Variants in MTMR7 observed in about 807,000 individuals in gnomAD.
MTMR7 encodes myotubularin related protein 7.
A neutral mutation model predicts 81.2 loss-of-function variants in MTMR7; 76 were observed. That is an observed-to-expected ratio of 0.94 (90% confidence interval 0.78 to 1.13). The LOEUF (loss-of-function observed/expected upper bound fraction) is 1.13, where lower values mean the gene tolerates loss of function less well. Among genes scored for constraint, MTMR7 ranks in the 50% most tolerant of loss-of-function variants. The pLI, the probability that MTMR7 is intolerant of heterozygous loss-of-function variation, is 0.00. For missense variants in MTMR7, 1,044 were observed against 820.0 expected, an observed-to-expected ratio of 1.27 and a Z score of -3.34; for synonymous variants, 372 against 289.8, an observed-to-expected ratio of 1.28 and a Z score of -2.88.
At chr8:17,374,406 A>C (rs2150567473) in intron 1 of MTMR7, among the ~76,000 whole-genome samples, 1 of 151,680 alleles carries the variant, frequency 6.6e-6, no homozygotes, top group African/African-American at 2.4e-5. Flanking sequence ...GTGGATCACG[A>C]GGTAAAGAGA....
At chr8:17,348,169 T>C (rs948005456) in intron 5 of MTMR7, among the ~76,000 whole-genome samples, 2 of 152,104 alleles carry the variant, frequency 1.3e-5, no homozygotes, top group African/African-American at 4.8e-5. Context: ...AATAATATTT[T>C]AAAAATAAAA....
chr8:17,333,525 T>C (rs1819120221), intron 6 of MTMR7, among the ~76,000 whole-genome samples: 1 of 152,138 alleles, frequency 6.6e-6, no homozygotes, highest in Non-Finnish European at 1.5e-5. Flanking sequence ...ATTCACCACA[T>C]ACCACAGAGA....
At chr8:17,352,279 A>G (rs886250790) in intron 4 of MTMR7, among the ~76,000 whole-genome samples, 22 of 152,250 alleles carry the variant, frequency 1.4e-4, no homozygotes, top group Non-Finnish European at 4.4e-5. Flanking sequence ...AGAACCCAGA[A>G]GTAAACCCTC....
chr8:17,358,509 A>T (rs1819964610), intron 4 of MTMR7, among the ~76,000 whole-genome samples: 4 of 152,210 alleles, frequency 2.6e-5, no homozygotes. Flanking sequence ...CAAAATAATA[A>T]GAAATTCAAT....
At chr8:17,365,184 T>C (rs1232432168) in intron 3 of MTMR7, among the ~76,000 whole-genome samples, 1 of 152,250 alleles carries the variant, frequency 6.6e-6, no homozygotes, top group Non-Finnish European at 1.5e-5. Flanking sequence ...TGAGCGTTTG[T>C]TCATGTATCT....
chr8:17,321,240 CA>C (rs1230459407), intron 7 of MTMR7, among the ~76,000 whole-genome samples: 13 of 152,144 alleles, frequency 8.5e-5, no homozygotes, highest in Non-Finnish European at 1.6e-4. Flanking sequence ...TGGCCTGTGC[CA>C]AAAGCAAGAG....
At chr8:17,307,418 A>G (rs1193293646) in intron 10 of MTMR7, among the ~76,000 whole-genome samples, 2 of 152,168 alleles carry the variant, frequency 1.3e-5, no homozygotes, top group Non-Finnish European at 2.9e-5. Context: ...AGAAATAGGA[A>G]CACTTTTACA....
intron 1 of MTMR7, among the ~76,000 whole-genome samples, chr8:17,379,515 A>G (rs1820695869): frequency 6.6e-6 from 1 of 152,212 alleles, no homozygotes; most frequent in African/African-American, 2.4e-5. Context: ...TACATTTTAA[A>G]GGATTAGAAG....
At position 17,403,195 on chromosome 8, in the gene MTMR7, G is replaced by A. The variant is rs189480269; in HGVS notation, c.24+10074C>T. 7.8e-4 allele frequency among the ~76,000 whole-genome samples: 118 copies of A among 152,192 alleles called. 3 individuals carry two copies. Among genetic ancestry groups the A allele is most frequent in the Admixed American group, 7.6e-3 (116 of 15,280 alleles). On this transcript the variant is annotated intron_variant, in intron 1 of 13. Coordinates refer to ENST00000180173, the MANE Select transcript of MTMR7 (RefSeq NM_004686.5). Reference sequence around the variant, plus strand: ...TTACAAATATTTTCTCCCATTCTGTGGGTTGTCTCTTTGCTTTGTTGGTTG... The same window carrying A: ...TTACAAATATTTTCTCCCATTCTGTAGGTTGTCTCTTTGCTTTGTTGGTTG...
intron 1 of MTMR7, among the ~76,000 whole-genome samples, chr8:17,404,150 T>C (rs1821508414): frequency 6.6e-6 from 1 of 151,928 alleles, no homozygotes; most frequent in African/African-American, 2.4e-5. Flanking sequence ...GTGGCAAAAA[T>C]GGAAAGGGGA....
rs768063367 is a variant in MTMR7 at position 17,297,213 on chromosome 8, C to T, written c.*2649G>A. ...AGGAGTTACTAGGCTAATCAGTGTACGAATTTGTCATAGGTAGAGATTTAA... is the reference window on the plus strand; with the variant it reads ...AGGAGTTACTAGGCTAATCAGTGTATGAATTTGTCATAGGTAGAGATTTAA... On this transcript the variant is annotated 3_prime_UTR_variant, in exon 14 of 14. Transcript: ENST00000180173. 1.2e-4 allele frequency: 18 copies of T among 151,922 alleles called. No individual in the cohort carries two copies. The highest frequency in any genetic ancestry group is 2.4e-4 in the Non-Finnish European group (16 of 67,972). The allele number at this position is 151,922 out of a possible 1,614,324, so 9.4% of individuals were successfully genotyped here.
At chr8:17,400,295 G>A (rs572032928) in intron 1 of MTMR7, among the ~76,000 whole-genome samples, 5 of 152,292 alleles carry the variant, frequency 3.3e-5, no homozygotes, top group African/African-American at 1.2e-4. Flanking sequence ...ATCACCCTAA[G>A]AGGTGAGTAC....
intron 7 of MTMR7, among the ~76,000 whole-genome samples, chr8:17,321,236 G>A (rs1818373949): frequency 6.6e-6 from 1 of 152,220 alleles, no homozygotes; most frequent in Non-Finnish European, 1.5e-5. Context: ...GAAATGGCCT[G>A]TGCCAAAAGC....
At chr8:17,357,573 ACAAAATGATGTCGAG>A (rs1366684622) in intron 4 of MTMR7, among the ~76,000 whole-genome samples, 2 of 152,196 alleles carry the variant, frequency 1.3e-5, no homozygotes. Context: ...CATAGCTATC[ACAAAATGATGTCGAG>A]CAAAATGATG....
intron 6 of MTMR7, 48 bp from the exon 7 acceptor site, chr8:17,331,330 CAA>C: frequency 1.3e-6 from 2 of 1,531,156 alleles, no homozygotes; most frequent in Non-Finnish European, 1.7e-6. Context: ...ATTGATGAAA[CAA>C]TGATGAAACA....
chr8:17,411,369 C>G (rs575263447), intron 1 of MTMR7, among the ~76,000 whole-genome samples: 2 of 152,306 alleles, frequency 1.3e-5, no homozygotes, highest in African/African-American at 4.8e-5. Context: ...GTCTCCCTCT[C>G]TACCCACTGC....
chr8:17,401,438 T>C (rs969646762), intron 1 of MTMR7, among the ~76,000 whole-genome samples: 3 of 151,926 alleles, frequency 2.0e-5, no homozygotes, highest in African/African-American at 7.3e-5. Context: ...AAATGAGATT[T>C]GAGAGGGAGA....
intron 7 of MTMR7, among the ~76,000 whole-genome samples, chr8:17,325,427 A>G (rs1273534734): frequency 2.0e-5 from 3 of 152,214 alleles, no homozygotes; most frequent in Non-Finnish European, 4.4e-5. Flanking sequence ...ACTTTGCCAC[A>G]AAACATTCTC....
At chr8:17,320,430 G>A (rs897090555) in intron 7 of MTMR7, among the ~76,000 whole-genome samples, 5 of 152,086 alleles carry the variant, frequency 3.3e-5, no homozygotes, top group African/African-American at 1.2e-4. Context: ...GTGGCAACAA[G>A]GCAATTGGGA....
Sources: allele counts gnomAD v4.1 joint callset (sites outside exome capture counted in the v4.1 genomes callset), GRCh38; gene constraint gnomAD v4.1.1; transcripts MANE v1.5; gene names NCBI Gene and HGNC (gene_info 2026-07-23, HGNC 2026-07-21).